WDR91: variants seen among roughly 807,000 people sequenced by gnomAD.
The protein encoded by WDR91 is WD repeat-containing protein 91.
WDR91 carries 52 observed loss-of-function variants against 88.4 expected under a neutral mutation model. The ratio of observed to expected loss-of-function variants is 0.59; its 90% CI spans 0.47 to 0.74. WDR91 has a LOEUF of 0.74. WDR91 is among the 30% of genes least tolerant of loss of function. The probability of loss-of-function intolerance (pLI) is 0.00; values close to 1 mark genes in which losing one functional copy is unlikely to be tolerated. For missense variants in WDR91, 824 were observed against 954.5 expected (o/e 0.86, Z 1.80); for synonymous variants, 362 against 389.5 (o/e 0.93, Z 0.83).
intron 1 of WDR91, among the ~76,000 whole-genome samples, chr7:135,211,149 G>C (rs893194412): frequency 6.6e-6 from 1 of 152,166 alleles, no homozygotes; most frequent in Non-Finnish European, 1.5e-5. Flanking sequence ...CGGGGCATCG[G>C]GGCTCCAGCC....
chr7:135,207,775 A>G (rs766563414), intron 3 of WDR91, among the ~76,000 whole-genome samples: 2 of 152,250 alleles, frequency 1.3e-5, no homozygotes, highest in Non-Finnish European at 2.9e-5. Context: ...TGCCTCAGGC[A>G]GCTTCAGTTA....
intron 9 of WDR91, among the ~76,000 whole-genome samples, chr7:135,194,336 T>G (rs1310288622): frequency 6.6e-6 from 1 of 152,218 alleles, no homozygotes; most frequent in East Asian, 1.9e-4. Context: ...CCTGAGGTCC[T>G]CATCCATGAG....
intron 10 of WDR91, 57 bp from the exon 11 acceptor site, chr7:135,193,456 A>C: frequency 6.2e-7 from 1 of 1,610,550 alleles, no homozygotes; most frequent in Non-Finnish European, 8.5e-7. Context: ...GGGAGGGTGC[A>C]CTTTGGTCCT....
chr7:135,206,478 T>C (rs1831789249), intron 4 of WDR91, among the ~76,000 whole-genome samples: 1 of 151,734 alleles, frequency 6.6e-6, no homozygotes, highest in East Asian at 1.9e-4. Context: ...AAATTACATA[T>C]ACACACACCC....
chr7:135,190,996 C>CA (rs1360037760), intron 11 of WDR91, among the ~76,000 whole-genome samples: 5 of 152,094 alleles, frequency 3.3e-5, no homozygotes, highest in Non-Finnish European at 7.4e-5. Flanking sequence ...AGCAAAACTT[C>CA]AAAAAAATTA....
chr7:135,210,973 G>A, intron 1 of WDR91: 2 of 700,536 alleles, frequency 2.9e-6, no homozygotes, highest in Non-Finnish European at 2.6e-6. Flanking sequence ...ATACTTGAAC[G>A]CAGCTAACGT....
intron 4 of WDR91, among the ~76,000 whole-genome samples, chr7:135,206,709 A>G (rs762265805): frequency 1.3e-5 from 2 of 151,386 alleles, no homozygotes; most frequent in Non-Finnish European, 2.9e-5. Context: ...AACTATATAT[A>G]TGTGTGTGTG....
chr7:135,192,185 T>G (rs1204501613), intron 11 of WDR91, among the ~76,000 whole-genome samples: 1 of 144,384 alleles, frequency 6.9e-6, no homozygotes, highest in Non-Finnish European at 1.5e-5. Context: ...TGGCACCACA[T>G]CAGCTCACTG....
intron 6 of WDR91, among the ~76,000 whole-genome samples, chr7:135,203,759 G>T (rs200747465): frequency 2.0e-5 from 3 of 152,276 alleles, no homozygotes; most frequent in Non-Finnish European, 2.9e-5. Context: ...GAGAAAAGAG[G>T]GGAGACTCTT....
At chr7:135,203,973 G>A (rs1008751658) in intron 6 of WDR91, among the ~76,000 whole-genome samples, 7 of 152,226 alleles carry the variant, frequency 4.6e-5, no homozygotes, top group Admixed American at 3.3e-4. Flanking sequence ...AGCCAGAGGT[G>A]AAGATGAAGC....
chr7:135,189,143 T>A (rs576553389), intron 12 of WDR91, among the ~76,000 whole-genome samples: 2 of 152,338 alleles, frequency 1.3e-5, no homozygotes, highest in East Asian at 3.9e-4. Flanking sequence ...CCCTCCCATG[T>A]CTATTGACAC....
At chr7:135,190,515 C>G (rs1030190743) in intron 11 of WDR91, among the ~76,000 whole-genome samples, 5 of 151,672 alleles carry the variant, frequency 3.3e-5, no homozygotes, top group Non-Finnish European at 7.4e-5. Context: ...CAAAAGGAGC[C>G]AGCACCCACA....
At chr7:135,202,014 G>A (rs1158799021) in intron 6 of WDR91, 1 of 152,202 alleles carries the variant, frequency 6.6e-6, no homozygotes, top group Non-Finnish European at 1.5e-5. Flanking sequence ...GTGAACAAGA[G>A]TGCTTAGCAT....
At chr7:135,186,949 T>C in intron 14 of WDR91, 23 bp downstream of exon 14, 1 of 1,612,538 alleles carries the variant, frequency 6.2e-7, no homozygotes, top group Non-Finnish European at 8.5e-7. Flanking sequence ...TACCACTACC[T>C]CCCACCCCCA....
intron 6 of WDR91, chr7:135,202,231 A>C (rs1831600719): frequency 6.6e-6 from 1 of 152,236 alleles, no homozygotes; most frequent in African/African-American, 2.4e-5. Context: ...ACTCAGCAGG[A>C]GGTAGGCCAG....
rs981986106 is a variant in WDR91, at chr7:135,183,998, A to C, written c.*2153T>G. On this transcript the variant is annotated 3_prime_UTR_variant, in exon 15 of 15. Coordinates refer to ENST00000354475, the MANE Select transcript of WDR91 (RefSeq NM_014149.4). Reference sequence around the variant, plus strand: ...GGTATTAAGGGGAGAGAAAACTTTGAGATGACAAGAGGAAACGTTAATACC... The same window carrying C: ...GGTATTAAGGGGAGAGAAAACTTTGCGATGACAAGAGGAAACGTTAATACC... 8 of 152,158 alleles carry C rather than the reference A, an allele frequency of 5.3e-5. No homozygotes were observed. The highest frequency in any genetic ancestry group is 4.6e-4 in the Admixed American group (7 of 15,270). The allele number at this position is 152,158 out of a possible 1,614,324, so 9.4% of individuals were successfully genotyped here.
intron 6 of WDR91, chr7:135,198,414 A>G (rs1831455218): frequency 2.3e-6 from 1 of 444,112 alleles, no homozygotes; most frequent in African/African-American, 1.9e-5. Flanking sequence ...TGTCATCTTG[A>G]TCTAATCGGA....
Position 135,209,761 on chromosome 7 carries a change from G to A in WDR91, c.124-6C>T, listed in dbSNP as rs201187017. On this transcript the variant is annotated splice_polypyrimidine_tract_variant and splice_region_variant and intron_variant, in intron 1 of 14. Coordinates refer to ENST00000354475, the MANE Select transcript of WDR91 (RefSeq NM_014149.4). ...TGGTCCACAATCTTATCCACCTGGC[G>A]AGAAACATGGATGGAGAAGGTGGTA... 36 of 1,578,420 alleles carry A rather than the reference G, an allele frequency of 2.3e-5. No homozygotes were observed. The East Asian group carries it at 3.9e-4, about 17-fold the overall frequency.
At chr7:135,208,677 T>C (rs1831896484) in intron 3 of WDR91, 114 bp downstream of exon 3, 2 of 949,270 alleles carry the variant, frequency 2.1e-6, no homozygotes. Context: ...CCCATAAAAA[T>C]GGTCCCTGGG....
Sources: allele counts gnomAD v4.1 joint callset (sites outside exome capture counted in the v4.1 genomes callset), GRCh38; gene constraint gnomAD v4.1.1; transcripts MANE v1.5; gene names NCBI Gene and HGNC (gene_info 2026-07-23, HGNC 2026-07-21).